Variants in DSG2 observed in about 807,000 individuals in gnomAD.
DSG2 encodes the protein desmoglein-2.
Under a neutral mutation model 75.6 loss-of-function variants are expected in DSG2, and 45 were observed. That is an observed-to-expected ratio of 0.60 (90% CI 0.47 to 0.76). DSG2 has a LOEUF of 0.76. Among genes scored for constraint, DSG2 ranks in the 30% least tolerant of loss-of-function variants. DSG2 has a pLI of 0.00. For missense variants in DSG2, 1,267 were observed against 1,357.4 expected, an observed-to-expected ratio of 0.93 and a Z score of 1.05; for synonymous variants, 429 against 483.9, an observed-to-expected ratio of 0.89 and a Z score of 1.49.
chr18:31,526,722 G>A (rs1384262334), intron 8 of DSG2, among the ~76,000 whole-genome samples: 2 of 152,118 alleles, frequency 1.3e-5, no homozygotes, highest in Non-Finnish European at 2.9e-5. Flanking sequence ...ACATACGAAC[G>A]TTTCAGTCAG....
rs1355403853 is a variant in DSG2 at position 31,531,144 on chromosome 18, G to A, written c.1172G>A (p.Ser391Asn). Residue 391 changes from serine to asparagine, a missense_variant, in exon 9 of 15, where the codon AGC (serine) becomes AAC (asparagine). Coordinates refer to ENST00000261590, the MANE Select transcript of DSG2 (RefSeq NM_001943.5). ...AAAGAAGGCATTCATTTTAAAAGCA[G>A]CGTCATCTCAATTTATGTTAGCGAG... ...NVKEGIHFKS[S>N]VISIYVSESM... is the part of the protein sequence containing the mutation. 6.2e-7 allele frequency: 1 copy of A among 1,614,170 alleles called. No individual in the cohort carries two copies. The highest frequency in any genetic ancestry group is 1.1e-5 in the South Asian group (1 of 91,084).
rs566017044 is a variant in DSG2, at chr18:31,544,487, A to G, written c.2335-1234A>G. Among the ~76,000 whole-genome samples, 97 of 152,284 alleles carry G rather than the reference A, an allele frequency of 6.4e-4. 2 individuals are homozygous for G. The South Asian group carries it at 0.019, about 30-fold the overall frequency. On this transcript the variant is annotated intron_variant, in intron 14 of 14. Coordinates refer to ENST00000261590, the MANE Select transcript of DSG2 (RefSeq NM_001943.5). ...TATATTAGAAGATGGTTCTCAAATC[A>G]GTGACCTAAGCTTCCACCCTCAGAA...
rs143867223 is a variant in DSG2, at chr18:31,546,719, C to G, written c.3333C>G (p.Ser1111Arg). 1.3e-5 allele frequency: 21 copies of G among 1,614,180 alleles called. No individual in the cohort carries two copies. Among genetic ancestry groups the G allele is most frequent in the Non-Finnish European group, 1.8e-5 (21 of 1,180,016 alleles). ...TTSSTRVTKH[S>R]TVQHSYS ...CTTCCACCAGAGTTACCAAGCATAG[C>G]ACTGTACAGCATTCTTACTCCTAAA... Residue 1111 changes from serine (S) to arginine (R), a missense_variant, in exon 15 of 15, where the codon AGC becomes AGG. Transcript: ENST00000261590.
Position 31,524,521 on chromosome 18 carries a change from A to G in DSG2, c.764A>G (p.Gln255Arg), listed in dbSNP as rs1217520530. The G allele has an allele frequency of 3.7e-6, 6 of 1,614,178 alleles. No individual in the cohort carries two copies. The highest frequency in any genetic ancestry group is 5.1e-6 in the Non-Finnish European group (6 of 1,180,018). ...NGEVTDKPVK[Q>R]AQVQIRILDV... ...GAAGTTACAGACAAACCTGTAAAAC[A>G]AGCTCAAGTTCAGATTCGTATTTTG... Residue 255 changes from glutamine (Q) to arginine (R), a missense_variant, in exon 7 of 15, where the codon CAA becomes CGA. Gln to Arg is a conservative substitution (Grantham distance 43). Coordinates refer to ENST00000261590, the MANE Select transcript of DSG2 (RefSeq NM_001943.5).
At chr18:31,511,238 G>A (rs142938636) in intron 1 of DSG2, among the ~76,000 whole-genome samples, 12 of 152,214 alleles carry the variant, frequency 7.9e-5, no homozygotes, top group Non-Finnish European at 1.3e-4. Context: ...TAGTTGTAAG[G>A]GCTATCATGT....
At chr18:31,513,316 C>T (rs760825995) in intron 1 of DSG2, among the ~76,000 whole-genome samples, 14 of 152,198 alleles carry the variant, frequency 9.2e-5, no homozygotes, top group Non-Finnish European at 1.3e-4. Context: ...CCAAATGTCA[C>T]CTCCTCACTC....
chr18:31,498,251 G>T lies in DSG2; in HGVS notation c.-1G>T. On this transcript the variant is annotated 5_prime_UTR_variant, in exon 1 of 15. Coordinates refer to ENST00000261590, the MANE Select transcript of DSG2 (RefSeq NM_001943.5). Reference sequence around the variant, plus strand: ...CGGCGGGAGGCGGAGGCGAGGGTGCGATGGCGCGGAGCCCGGGACGCGCGT... The same window carrying T: ...CGGCGGGAGGCGGAGGCGAGGGTGCTATGGCGCGGAGCCCGGGACGCGCGT... 1 of 1,258,544 alleles carries T rather than the reference G, an allele frequency of 7.9e-7. No individual in the cohort carries two copies. Among genetic ancestry groups the T allele is most frequent in the Non-Finnish European group, 1.0e-6 (1 of 997,924 alleles). 78.0% of individuals were successfully genotyped at this position (1,258,544 alleles called of 1,614,324 possible).
intron 13 of DSG2, chr18:31,542,264 C>A (rs2073272718): frequency 1.8e-6 from 1 of 546,082 alleles, no homozygotes; most frequent in Non-Finnish European, 3.3e-6. Flanking sequence ...CCATTGGTCG[C>A]ATAGAGTAAA....
At chr18:31,538,598 T>C (rs575009126) in intron 11 of DSG2, among the ~76,000 whole-genome samples, 153 bp from the exon 12 acceptor site, 2 of 152,324 alleles carry the variant, frequency 1.3e-5, no homozygotes, top group East Asian at 1.9e-4. Context: ...TATAGACAAA[T>C]TTTAATGAGC....
In DSG2 at chr18:31,536,307, CAG is replaced by C; in HGVS notation, c.1532_1533del (p.Glu511ValfsTer24). 6.2e-7 allele frequency: 1 copy of C among 1,614,176 alleles called. No individual in the cohort carries two copies. Among genetic ancestry groups the C allele is most frequent in the Non-Finnish European group, 8.5e-7 (1 of 1,180,028 alleles). On this transcript the variant is annotated frameshift_variant, in exon 11 of 15. Coordinates refer to ENST00000261590, the MANE Select transcript of DSG2 (RefSeq NM_001943.5). LOFTEE classifies it high-confidence loss of function. Reference sequence around the variant, plus strand: ...CCTGTGCAGACAATCTGTCACGATGCAGAGTATGTGAATGTTACTGCAGAGGA... The same window carrying C: ...CCTGTGCAGACAATCTGTCACGATGCAGTATGTGAATGTTACTGCAGAGGA...
rs371439130 is a variant in DSG2, at chr18:31,515,133, C to T, written c.46-3106C>T. Among the ~76,000 whole-genome samples the T allele has an allele frequency of 3.9e-4, 60 of 152,192 alleles. No individual in the cohort carries two copies. The East Asian group carries it at 8.1e-3, about 21-fold the overall frequency. On this transcript the variant is annotated intron_variant, in intron 1 of 14. Coordinates refer to ENST00000261590, the MANE Select transcript of DSG2 (RefSeq NM_001943.5). ...TGTTTGTTTGTTTGAGACAGAGTCT[C>T]ACTCTGTCGCCCAGACTAGAGTGCA...
At chr18:31,531,323 C>G in intron 9 of DSG2, 71 bp downstream of exon 9, 1 of 1,520,070 alleles carries the variant, frequency 6.6e-7, no homozygotes, top group Non-Finnish European at 9.1e-7. Flanking sequence ...AAATCATAAT[C>G]AAATCTGAAC....
intron 1 of DSG2, among the ~76,000 whole-genome samples, chr18:31,512,185 C>T (rs1235095168): frequency 6.6e-6 from 1 of 152,090 alleles, no homozygotes; most frequent in Non-Finnish European, 1.5e-5. Flanking sequence ...TCCCTCAACA[C>T]CACCCCTGTC....
At position 31,547,274 on chromosome 18, in the gene DSG2, T is replaced by C; in HGVS notation, c.*531T>C. 4.7e-6 allele frequency: 1 copy of C among 213,596 alleles called. No homozygotes were observed. Among genetic ancestry groups the C allele is most frequent in the South Asian group, 8.5e-5 (1 of 11,724 alleles). The allele number at this position is 213,596 out of a possible 1,614,324, so 13.2% of individuals were successfully genotyped here. On this transcript the variant is annotated 3_prime_UTR_variant, in exon 15 of 15. Transcript: ENST00000261590. ...TTCTTTAAGACTTGAACCCTTTCAA[T>C]CTGTGTGATTCATTAAATTGGACCA... is the stretch of plus-strand genomic sequence containing the variant.
In DSG2 at chr18:31,530,619, A is replaced by G. The variant is rs568223778; in HGVS notation, c.1015-368A>G. Among the ~76,000 whole-genome samples, 11 of 152,148 alleles carry G rather than the reference A, an allele frequency of 7.2e-5. No individual in the cohort carries two copies. The South Asian group carries it at 1.7e-3, about 23-fold the overall frequency. On this transcript the variant is annotated intron_variant, in intron 8 of 14. Transcript: ENST00000261590. ...TTTTTTGTACAGATGGGAACTCCCTATGTTGCCCAGGCTGGTCTCAAACTT... is the reference window on the plus strand; with the variant it reads ...TTTTTTGTACAGATGGGAACTCCCTGTGTTGCCCAGGCTGGTCTCAAACTT...
intron 1 of DSG2, 23 bp from the exon 2 acceptor site, chr18:31,518,216 T>C: frequency 6.2e-7 from 1 of 1,600,738 alleles, no homozygotes; most frequent in East Asian, 2.2e-5. Context: ...ATTGGCTAAA[T>C]ATCAAATAAT....
chr18:31,526,709 G>A (rs2073165026), intron 8 of DSG2, among the ~76,000 whole-genome samples: 1 of 152,156 alleles, frequency 6.6e-6, no homozygotes, highest in Non-Finnish European at 1.5e-5. Context: ...ATTGTCATGT[G>A]CCACATACGA....
intron 2 of DSG2, among the ~76,000 whole-genome samples, 178 bp from the exon 3 acceptor site, chr18:31,519,625 G>T (rs954585355): frequency 6.6e-5 from 10 of 152,096 alleles, no homozygotes; most frequent in Admixed American, 5.9e-4. Flanking sequence ...AATCTCTTGA[G>T]GCCCTATGCA....
chr18:31,542,511 C>T lies in DSG2; in HGVS notation c.2002-9C>T, dbSNP rs764943350. The T allele has an allele frequency of 6.2e-7, 1 of 1,613,580 alleles. No individual in the cohort carries two copies. The highest frequency in any genetic ancestry group is 2.2e-5 in the East Asian group (1 of 44,878). On this transcript the variant is annotated splice_polypyrimidine_tract_variant and intron_variant, in intron 13 of 14. Transcript: ENST00000261590. ...CTGACTCAGTTCTCAGCTGTGTTTG[C>T]TCTCACAGGTGGTGCCATCATTTCT... is the stretch of plus-strand genomic sequence containing the variant.
Sources: allele counts gnomAD v4.1 joint callset (sites outside exome capture counted in the v4.1 genomes callset), GRCh38; gene constraint gnomAD v4.1.1; transcripts MANE v1.5; gene names NCBI Gene and HGNC (gene_info 2026-07-23, HGNC 2026-07-21).